Variants in CDH13 observed in about 807,000 individuals in gnomAD.
The protein encoded by CDH13 is cadherin-13.
A neutral mutation model predicts 63.8 loss-of-function variants in CDH13; 24 were observed. That is an observed-to-expected ratio of 0.38 (90% confidence interval 0.27 to 0.53). CDH13 has a LOEUF of 0.53. Among genes scored for constraint, CDH13 ranks in the 20% least tolerant of loss-of-function variants. The probability of loss-of-function intolerance (pLI) is 0.85; values close to 1 mark genes in which losing one functional copy is unlikely to be tolerated. For synonymous variants in CDH13, 503 were observed against 355.3 expected (o/e 1.42, Z -4.67); for missense variants, 1,049 against 903.1 (o/e 1.16, Z -2.07).
chr16:83,397,425 C>T (rs537499745), intron 6 of CDH13: 5 of 152,324 alleles, frequency 3.3e-5, no homozygotes, highest in African/African-American at 1.2e-4. Context: ...TGTGCATTTA[C>T]AGGTGACCAT....
At chr16:83,254,721 T>C (rs564694080) in intron 5 of CDH13, among the ~76,000 whole-genome samples, 2 of 152,330 alleles carry the variant, frequency 1.3e-5, no homozygotes, top group African/African-American at 4.8e-5. Context: ...GTTCAATAAT[T>C]CTCCAGGATT....
intron 5 of CDH13, among the ~76,000 whole-genome samples, chr16:83,272,654 C>T (rs16960065): frequency 6.6e-6 from 1 of 152,044 alleles, no homozygotes; most frequent in Non-Finnish European, 1.5e-5. Context: ...TAATCATTTG[C>T]GTTAATAGGT....
At chr16:83,203,683 A>G (rs1163162751) in intron 4 of CDH13, among the ~76,000 whole-genome samples, 2 of 138,462 alleles carry the variant, frequency 1.4e-5, no homozygotes, top group Admixed American at 7.3e-5. Flanking sequence ...AAAAAAAAAG[A>G]TTTAAAAATA....
At chr16:83,013,705 A>T (rs377572733) in intron 2 of CDH13, among the ~76,000 whole-genome samples, 1 of 152,212 alleles carries the variant, frequency 6.6e-6, no homozygotes, top group East Asian at 1.9e-4. Context: ...CTGACAGATC[A>T]CAAAAGTCTG....
At chr16:82,790,401 C>T (rs2036242600) in intron 1 of CDH13, among the ~76,000 whole-genome samples, 1 of 152,120 alleles carries the variant, frequency 6.6e-6, no homozygotes, top group African/African-American at 2.4e-5. Flanking sequence ...CACCACTGCA[C>T]TCCAGCCTGG....
chr16:83,521,161 A>C (rs1445154327), intron 7 of CDH13, among the ~76,000 whole-genome samples: 1 of 152,142 alleles, frequency 6.6e-6, no homozygotes, highest in African/African-American at 2.4e-5. Flanking sequence ...CTTTGCTAAC[A>C]CGTTTTAAAT....
intron 8 of CDH13, among the ~76,000 whole-genome samples, chr16:83,605,786 C>T (rs1317437961): frequency 6.6e-6 from 1 of 152,196 alleles, no homozygotes; most frequent in Non-Finnish European, 1.5e-5. Context: ...AGGGCCACCT[C>T]CCCTCCAGGT....
chr16:83,339,238 C>T (rs539640580), intron 5 of CDH13, among the ~76,000 whole-genome samples: 6 of 152,130 alleles, frequency 3.9e-5, no homozygotes, highest in Non-Finnish European at 7.4e-5. Flanking sequence ...TGAGTTTCTC[C>T]TTCCTTGATC....
intron 1 of CDH13, among the ~76,000 whole-genome samples, chr16:82,675,140 T>TA (rs1342575416): frequency 6.6e-6 from 1 of 152,180 alleles, no homozygotes; most frequent in Non-Finnish European, 1.5e-5. Flanking sequence ...TCGTATTGGA[T>TA]AAGGGTGCCG....
At chr16:83,644,488 G>T (rs961940680) in intron 8 of CDH13, among the ~76,000 whole-genome samples, 1 of 152,210 alleles carries the variant, frequency 6.6e-6, no homozygotes, top group Non-Finnish European at 1.5e-5. Context: ...ACTCCCAAAA[G>T]CAAAATGCCT....
chr16:82,679,348 G>T (rs1914288713), intron 1 of CDH13, among the ~76,000 whole-genome samples: 1 of 152,198 alleles, frequency 6.6e-6, no homozygotes, highest in Admixed American at 6.5e-5. Flanking sequence ...TTATATCCAT[G>T]GCTGGGGAGC....
At chr16:82,863,321 C>T (rs1334713289) in intron 2 of CDH13, among the ~76,000 whole-genome samples, 1 of 152,174 alleles carries the variant, frequency 6.6e-6, no homozygotes, top group Non-Finnish European at 1.5e-5. Context: ...GAATTAGCTT[C>T]TTAGAAACAC....
At chr16:83,195,145 C>A (rs1336706291) in intron 4 of CDH13, among the ~76,000 whole-genome samples, 2 of 152,126 alleles carry the variant, frequency 1.3e-5, no homozygotes, top group East Asian at 3.9e-4. Flanking sequence ...TTACATCATT[C>A]ACAGTGTTTA....
intron 2 of CDH13, among the ~76,000 whole-genome samples, chr16:82,974,740 G>A (rs1909256531): frequency 6.6e-6 from 1 of 152,198 alleles, no homozygotes; most frequent in African/African-American, 2.4e-5. Flanking sequence ...TGAAGATAGA[G>A]GAAGGGGCCA....
chr16:83,428,037 T>C lies in CDH13; in HGVS notation c.782-58440T>C, dbSNP rs114536307. ...TCAAATTAAAATTTTAGAGAATCGG[T>C]CTCTGGTATATTTCCCCTTTGCAGA... is the stretch of plus-strand genomic sequence containing the variant. On this transcript the variant is annotated intron_variant, in intron 6 of 13. Transcript: ENST00000567109. Among the ~76,000 whole-genome samples the C allele has an allele frequency of 8.3e-3, 1,265 of 152,276 alleles. 18 individuals are homozygous for C. The highest frequency in any genetic ancestry group is 0.029 in the African/African-American group (1,201 of 41,548).
At chr16:82,979,006 C>T (rs1909903705) in intron 2 of CDH13, among the ~76,000 whole-genome samples, 1 of 152,216 alleles carries the variant, frequency 6.6e-6, no homozygotes, top group Non-Finnish European at 1.5e-5. Context: ...TGGGAGCCCA[C>T]CTCTAGCATC....
chr16:83,737,951 C>A (rs980081433), intron 10 of CDH13, among the ~76,000 whole-genome samples: 1 of 152,158 alleles, frequency 6.6e-6, no homozygotes, highest in Non-Finnish European at 1.5e-5. Flanking sequence ...TAATATCTAC[C>A]TCCCAGGTTG....
rs1483973428 is a variant in CDH13 at position 83,080,876 on chromosome 16, T to TTTTTGTG, written c.367-44505_367-44504insGTGTTTT. Among the ~76,000 whole-genome samples, 17 of 94,738 alleles carry TTTTTGTG rather than the reference T, an allele frequency of 1.8e-4. 2 individuals carry two copies. Among genetic ancestry groups the TTTTTGTG allele is most frequent in the Non-Finnish European group, 3.6e-4 (17 of 47,608 alleles). The allele number at this position is 94,738 out of a possible 152,430, so 62.2% of individuals were successfully genotyped here. A position where few individuals can be genotyped will look rare whatever the true frequency, so the allele number is the denominator to read the frequency against. On this transcript the variant is annotated intron_variant, in intron 3 of 13. Coordinates refer to ENST00000567109, the MANE Select transcript of CDH13 (RefSeq NM_001257.5). ...GAGTTTTGTTTTGTTTTTGTGTTTT[T>TTTTTGTG]TTTTTTTTTTTTTTTTTTTTTTGAG... is the stretch of plus-strand genomic sequence containing the variant.
At chr16:82,912,540 T>A (rs528052962) in intron 2 of CDH13, among the ~76,000 whole-genome samples, 16 of 152,248 alleles carry the variant, frequency 1.1e-4, no homozygotes, top group African/African-American at 3.9e-4. Flanking sequence ...CTATGACAGG[T>A]GGGAAAGTAC....
Sources: gnomAD v4.1 joint callset for allele counts (sites outside exome capture counted in the v4.1 genomes callset) on GRCh38, gnomAD v4.1.1 for gene constraint, MANE v1.5 for transcripts, NCBI Gene and HGNC (gene_info 2026-07-23, HGNC 2026-07-21) for gene names.